Variants in UBN2 observed in about 807,000 individuals in gnomAD.
UBN2 encodes ubinuclein-2.
Under a neutral mutation model 120.2 loss-of-function variants are expected in UBN2, and 35 were observed. The observed-to-expected ratio is 0.29, with a 90% CI of 0.22 to 0.39. The LOEUF is 0.39. Ranked by LOEUF, UBN2 falls within the 10% of genes least tolerant of loss-of-function variation. The probability of loss-of-function intolerance (pLI) is 1.00; values close to 1 mark genes in which losing one functional copy is unlikely to be tolerated. For synonymous variants in UBN2, 661 were observed against 648.7 expected (o/e 1.02, Z -0.29); for missense variants, 1,693 against 1,663.2 (o/e 1.02, Z -0.31).
At chr7:139,232,369 C>G (rs1437459295) in intron 1 of UBN2, among the ~76,000 whole-genome samples, 1 of 152,252 alleles carries the variant, frequency 6.6e-6, no homozygotes, top group Non-Finnish European at 1.5e-5. Context: ...GGGACACGCC[C>G]CCCAGTCTGA....
chr7:139,293,888 G>C lies in UBN2; in HGVS notation c.3902-1G>C, dbSNP rs1175542192. Reference sequence around the variant, plus strand: ...GACTGACAAGTCTGTTTTCCTCTCAGATTTACTAAAGGGTTTACAGCCAGG... The same window carrying C: ...GACTGACAAGTCTGTTTTCCTCTCACATTTACTAAAGGGTTTACAGCCAGG... On this transcript the variant is annotated splice_acceptor_variant, in intron 16 of 17. Transcript: ENST00000473989. LOFTEE classifies it high-confidence loss of function. 1 of 1,613,936 alleles carries C rather than the reference G, an allele frequency of 6.2e-7. No individual in the cohort carries two copies. Among genetic ancestry groups the C allele is most frequent in the South Asian group, 1.1e-5 (1 of 91,060 alleles).
Position 139,258,468 on chromosome 7 carries a change from T to C in UBN2, c.664-20T>C, listed in dbSNP as rs775086345. 6.5e-7 allele frequency: 1 copy of C among 1,537,134 alleles called. No homozygotes were observed. Among genetic ancestry groups the C allele is most frequent in the East Asian group, 2.3e-5 (1 of 43,794 alleles). ...AAAGACAACAGGATATAGCGGAAAC[T>C]TTTTTGTTTTTTAATCTAGTATGAT... On this transcript the variant is annotated intron_variant, in intron 3 of 17. Transcript: ENST00000473989.
chr7:139,273,203 A>G lies in UBN2; in HGVS notation c.1716-94A>G, dbSNP rs555422231. The stretch of plus-strand genomic sequence containing the variant: ...TTCCGTCTTTACCCTCTCTTTTAAC[A>G]TTCCATTAAGCAATTCAGCAAGTAT... On this transcript the variant is annotated intron_variant, in intron 9 of 17. Transcript: ENST00000473989. 122 of 696,744 alleles carry G rather than the reference A, an allele frequency of 1.8e-4. No individual in the cohort carries two copies. In the Admixed American group the frequency reaches 3.6e-3, roughly 21 times the overall value. The allele number at this position is 696,744 out of a possible 1,614,324, so 43.2% of individuals were successfully genotyped here.
At chr7:139,248,508 C>A (rs1796532634) in intron 2 of UBN2, among the ~76,000 whole-genome samples, 1 of 152,084 alleles carries the variant, frequency 6.6e-6, no homozygotes, top group Non-Finnish European at 1.5e-5. Flanking sequence ...TGATATCTTA[C>A]TTTAATCTCA....
intron 8 of UBN2, among the ~76,000 whole-genome samples, chr7:139,271,146 C>T (rs973415645): frequency 1.3e-4 from 19 of 151,864 alleles, no homozygotes; most frequent in African/African-American, 3.4e-4. Context: ...TACTGGTGTT[C>T]GTGGAATAGG....
In UBN2 at chr7:139,307,329, T is replaced by C. The variant is rs1236292707; in HGVS notation, c.*9493T>C. The C allele has an allele frequency of 6.6e-6, 1 of 152,108 alleles. No individual in the cohort carries two copies. The highest frequency in any genetic ancestry group is 1.9e-4 in the East Asian group (1 of 5,194). 9.4% of individuals were successfully genotyped at this position (152,108 alleles called of 1,614,324 possible). On this transcript the variant is annotated 3_prime_UTR_variant, in exon 18 of 18. Transcript: ENST00000473989. ...TATTTTGGGATTTTTTTTTCCTCCT[T>C]TAAAAACTGGACCTGAACACAAGCT...
intron 7 of UBN2, among the ~76,000 whole-genome samples, chr7:139,268,179 T>G (rs554890836): frequency 6.6e-6 from 1 of 152,346 alleles, no homozygotes; most frequent in South Asian, 2.1e-4. Flanking sequence ...CTTTCCTGTT[T>G]ATTCCTCTCA....
chr7:139,330,060 TC>T, the UBN2 span, among the ~76,000 whole-genome samples: 5 of 152,216 alleles, frequency 3.3e-5, no homozygotes, highest in African/African-American at 9.6e-5. Flanking sequence ...AGCCTGAAGT[TC>T]CCATCTCCCC....
In UBN2 at chr7:139,242,844, G is replaced by T. The variant is rs551736504; in HGVS notation, c.561+5747G>T. Among the ~76,000 whole-genome samples, 16 of 152,288 alleles carry T rather than the reference G, an allele frequency of 1.1e-4. No individual in the cohort carries two copies. In the South Asian group the frequency reaches 3.3e-3, roughly 32 times the overall value. ...GTCAGCTCTTGGCTGTATTTCCACT[G>T]CCTTGAAACTCAGCTCCTTTCTATT... is the stretch of plus-strand genomic sequence containing the variant. On this transcript the variant is annotated intron_variant, in intron 2 of 17. Transcript: ENST00000473989.
intron 2 of UBN2, among the ~76,000 whole-genome samples, chr7:139,245,580 C>T (rs903937523): frequency 2.0e-5 from 3 of 152,182 alleles, no homozygotes; most frequent in Non-Finnish European, 1.5e-5. Flanking sequence ...AAATTGTTTG[C>T]ACTTCTACAT....
chr7:139,272,521 T>C, intron 9 of UBN2, 81 bp downstream of exon 9: 3 of 837,788 alleles, frequency 3.6e-6, no homozygotes, highest in Non-Finnish European at 5.5e-6. Flanking sequence ...TATGTATGTA[T>C]GTATGTATGT....
At chr7:139,309,206 A>G (rs1020569395), downstream of UBN2, among the ~76,000 whole-genome samples, 2 of 152,246 alleles carry the variant, frequency 1.3e-5, no homozygotes, top group Non-Finnish European at 2.9e-5. Flanking sequence ...ATGGGGTTGT[A>G]GGAAAAAATA....
In UBN2 at chr7:139,300,152, C is replaced by G. The variant is rs187715164; in HGVS notation, c.*2316C>G. 2.1e-4 allele frequency: 32 copies of G among 152,144 alleles called. No homozygotes were observed. The highest frequency in any genetic ancestry group is 7.7e-4 in the African/African-American group (32 of 41,530). The allele number at this position is 152,144 out of a possible 1,614,324, so 9.4% of individuals were successfully genotyped here. On this transcript the variant is annotated 3_prime_UTR_variant, in exon 18 of 18. Coordinates refer to ENST00000473989, the MANE Select transcript of UBN2 (RefSeq NM_173569.4). ...TTTCCCTGTAACATTTTATACTAACCAGTAAAAATATCTGAAGGCCCTTGG... is the reference window on the plus strand; with the variant it reads ...TTTCCCTGTAACATTTTATACTAACGAGTAAAAATATCTGAAGGCCCTTGG...
chr7:139,284,846 A>G lies in UBN2; in HGVS notation c.3669+272A>G, dbSNP rs1033883966. 2.0e-5 allele frequency among the ~76,000 whole-genome samples: 3 copies of G among 152,138 alleles called. No homozygotes were observed. The South Asian group carries it at 6.2e-4, about 31-fold the overall frequency. ...ACAGAACGATGTCTTCATTACAAGC[A>G]ACCATCACTAAATCAACTTTAAAAT... On this transcript the variant is annotated intron_variant, in intron 15 of 17. Coordinates refer to ENST00000473989, the MANE Select transcript of UBN2 (RefSeq NM_173569.4).
chr7:139,246,828 G>A (rs756299610), intron 2 of UBN2, among the ~76,000 whole-genome samples: 2 of 152,058 alleles, frequency 1.3e-5, no homozygotes, highest in South Asian at 2.1e-4. Flanking sequence ...TGTCTTCTGC[G>A]TCTGGGTACT....
At chr7:139,269,349 A>G (rs1458085517) in intron 7 of UBN2, 45 bp from the exon 8 acceptor site, 11 of 1,579,952 alleles carry the variant, frequency 7.0e-6, no homozygotes, top group East Asian at 2.3e-5. Context: ...AATGCCACCT[A>G]AAATAAATTC....
intron 3 of UBN2, among the ~76,000 whole-genome samples, chr7:139,253,115 T>C (rs1196387410): frequency 6.6e-6 from 1 of 152,202 alleles, no homozygotes; most frequent in Non-Finnish European, 1.5e-5. Flanking sequence ...TACATGGATA[T>C]AATCCTTTTA....
Position 139,272,448 on chromosome 7 carries a change from T to C in UBN2, c.1715+8T>C, listed in dbSNP as rs1797305973. 2 of 1,601,554 alleles carry C rather than the reference T, an allele frequency of 1.2e-6. No homozygotes were observed. The highest frequency in any genetic ancestry group is 4.5e-5 in the East Asian group (2 of 44,820). ...TCAAGCTAAGTGTGCCAAGTATGTATCTCTTCTATTTGGACTGGCTTTTGC... is the reference window on the plus strand; with the variant it reads ...TCAAGCTAAGTGTGCCAAGTATGTACCTCTTCTATTTGGACTGGCTTTTGC... On this transcript the variant is annotated splice_region_variant and intron_variant, in intron 9 of 17. Coordinates refer to ENST00000473989, the MANE Select transcript of UBN2 (RefSeq NM_173569.4).
Position 139,236,628 on chromosome 7 carries a change from A to G in UBN2, c.469-377A>G, listed in dbSNP as rs563401004. On this transcript the variant is annotated intron_variant, in intron 1 of 17. Transcript: ENST00000473989. ...TTTTGGATGAGGTGACCATGTGATC[A>G]TTTTGCAGGTGAAGACAATTTGGAT... Among the ~76,000 whole-genome samples the G allele has an allele frequency of 2.6e-5, 4 of 152,126 alleles. No individual in the cohort carries two copies. The East Asian group carries it at 7.7e-4, about 29-fold the overall frequency.
Sources: gnomAD v4.1 joint callset for allele counts (sites outside exome capture counted in the v4.1 genomes callset) on GRCh38, gnomAD v4.1.1 for gene constraint, MANE v1.5 for transcripts, NCBI Gene and HGNC (gene_info 2026-07-23, HGNC 2026-07-21) for gene names.